AGGF1: variants seen among roughly 807,000 people sequenced by gnomAD.
AGGF1 encodes the protein angiogenic factor with G-patch and FHA domains 1.
Under a neutral mutation model 86.5 loss-of-function variants are expected in AGGF1, and 56 were observed. That is an observed-to-expected ratio of 0.65 (90% confidence interval 0.52 to 0.81). The LOEUF is 0.81. Among genes scored for constraint, AGGF1 ranks in the 30% least tolerant of loss-of-function variants. AGGF1 has a pLI of 0.00. For missense variants in AGGF1, 816 were observed against 850.9 expected (o/e 0.96, Z 0.51); for synonymous variants, 313 against 297.1 (o/e 1.05, Z -0.55).
chr5:77,062,314 T>C (rs1417843810), intron 13 of AGGF1, among the ~76,000 whole-genome samples: 1 of 152,200 alleles, frequency 6.6e-6, no homozygotes, highest in African/African-American at 2.4e-5. Context: ...CTGTAGAACT[T>C]TCTGGATAAT....
At chr5:77,031,821 T>C (rs1746859033) in intron 1 of AGGF1, among the ~76,000 whole-genome samples, 1 of 152,058 alleles carries the variant, frequency 6.6e-6, no homozygotes, top group South Asian at 2.1e-4. Flanking sequence ...GGAGAATTGC[T>C]TGAACCTAGG....
chr5:77,059,808 G>A, intron 12 of AGGF1, 65 bp downstream of exon 12: 2 of 1,590,184 alleles, frequency 1.3e-6, no homozygotes, highest in African/African-American at 1.3e-5. Context: ...AGGGTGGTCT[G>A]ATGTTCAGGG....
In AGGF1 at chr5:77,053,999, A is replaced by T; in HGVS notation, c.1502A>T (p.His501Leu). 2 of 1,614,206 alleles carry T rather than the reference A, an allele frequency of 1.2e-6. No homozygotes were observed. Among genetic ancestry groups the T allele is most frequent in the Non-Finnish European group, 1.7e-6 (2 of 1,180,026 alleles). Residue 501 changes from histidine to leucine, a missense_variant, in exon 10 of 14, where the codon CAT becomes CTT. His to Leu is a moderately conservative substitution (Grantham distance 99, BLOSUM62 -3). Coordinates refer to ENST00000312916, the MANE Select transcript of AGGF1 (RefSeq NM_018046.5). ...AAATGTGACCCTTACGTACTTGAGC[A>T]TGGAGATGAAGTCAAAATTGGAGAA... ...KTKCDPYVLEHGDEVKIGETV... is the reference protein window; with the variant it reads ...KTKCDPYVLELGDEVKIGETV...
chr5:77,040,433 AAAAT>A (rs1436973285), intron 5 of AGGF1, among the ~76,000 whole-genome samples: 1 of 151,968 alleles, frequency 6.6e-6, no homozygotes, highest in African/African-American at 2.4e-5. Context: ...AAAAAAAAAA[AAAAT>A]CCATTGCTGA....
intron 8 of AGGF1, among the ~76,000 whole-genome samples, chr5:77,051,372 G>A (rs1274049209): frequency 1.3e-5 from 2 of 151,274 alleles, no homozygotes; most frequent in East Asian, 1.9e-4. Flanking sequence ...GGTGGAGCTT[G>A]CAGTGAGCCG....
Position 77,046,547 on chromosome 5 carries a change from A to G in AGGF1, c.1071A>G (p.Lys357=). 1 of 1,613,918 alleles carries G rather than the reference A, an allele frequency of 6.2e-7. No homozygotes were observed. Among genetic ancestry groups the G allele is most frequent in the Non-Finnish European group, 8.5e-7 (1 of 1,179,896 alleles). The change falls in exon 6 of 14, where the codon AAA becomes AAG. Residue 357 remains lysine (K), a synonymous_variant. Transcript: ENST00000312916. The stretch of plus-strand genomic sequence containing the variant: ...ACATCTCTAATTCAACATCATTTAA[A>G]GATGAGAAAATCATGGAGACTGATA... ...HENISNSTSF[K]DEKIMETDSE...
intron 4 of AGGF1, 46 bp from the exon 5 acceptor site, chr5:77,039,480 GTTTAT>G (rs753047140): frequency 2.0e-6 from 3 of 1,464,636 alleles, no homozygotes; most frequent in South Asian, 2.5e-5. Flanking sequence ...TTTTCGTTAA[GTTTAT>G]TTTATCTTAC....
At chr5:77,040,195 G>A (rs771667685) in intron 5 of AGGF1, among the ~76,000 whole-genome samples, 10 of 150,410 alleles carry the variant, frequency 6.6e-5, no homozygotes, top group Non-Finnish European at 1.3e-4. Context: ...CGCAACCTCC[G>A]CCTCCCAGGT....
chr5:77,058,133 T>C (rs1302212473), intron 11 of AGGF1, among the ~76,000 whole-genome samples: 1 of 152,182 alleles, frequency 6.6e-6, no homozygotes, highest in African/African-American at 2.4e-5. Context: ...ATGGTGATAG[T>C]TTCATAGGTC....
intron 5 of AGGF1, among the ~76,000 whole-genome samples, chr5:77,041,966 G>T (rs374881116): frequency 2.7e-5 from 4 of 150,670 alleles, no homozygotes; most frequent in African/African-American, 4.9e-5. Flanking sequence ...GCGGCCTTCC[G>T]CAGTGTTTGT....
chr5:77,039,179 T>G (rs1435363393), intron 4 of AGGF1, among the ~76,000 whole-genome samples: 1 of 152,114 alleles, frequency 6.6e-6, no homozygotes, highest in Non-Finnish European at 1.5e-5. Flanking sequence ...TATGCTTGCT[T>G]TAGTTTTCAT....
At position 77,061,665 on chromosome 5, in the gene AGGF1, C is replaced by G. The variant is rs189872319; in HGVS notation, c.1845-38C>G. ...TTATTATAAATGTGACCTAAAAGAT[C>G]TTTTATAAATCAACTATCATTTTAA... On this transcript the variant is annotated intron_variant, in intron 12 of 13. Transcript: ENST00000312916. 1.4e-3 allele frequency: 2,187 copies of G among 1,555,156 alleles called. 15 individuals are homozygous for G. The highest frequency in any genetic ancestry group is 1.1e-3 in the Non-Finnish European group (1,214 of 1,129,532).
chr5:77,039,392 GTTATC>G lies in AGGF1; in HGVS notation c.682-136_682-132del, dbSNP rs1747023108. 4 of 655,794 alleles carry G rather than the reference GTTATC, an allele frequency of 6.1e-6. No homozygotes were observed. The East Asian group carries it at 1.2e-4, about 19-fold the overall frequency. 40.6% of individuals were successfully genotyped at this position (655,794 alleles called of 1,614,324 possible). On this transcript the variant is annotated intron_variant, in intron 4 of 13. Transcript: ENST00000312916. ...TTGGAAGATTAAAGCATTTTTTATT[GTTATC>G]TTTAATTCATTGTCTTCTGAAAATA...
chr5:77,056,387 C>A (rs1042546630), intron 11 of AGGF1, among the ~76,000 whole-genome samples: 16 of 151,896 alleles, frequency 1.1e-4, no homozygotes, highest in Middle Eastern at 6.8e-3. Flanking sequence ...CGCCACCACG[C>A]CCCGCTAATT....
intron 2 of AGGF1, among the ~76,000 whole-genome samples, chr5:77,035,198 G>T (rs983677526): frequency 2.0e-5 from 3 of 152,122 alleles, no homozygotes; most frequent in African/African-American, 7.2e-5. Flanking sequence ...ACAGTATTAA[G>T]GTATCCAGTT....
At chr5:77,032,756 A>G (rs1044643792) in intron 1 of AGGF1, among the ~76,000 whole-genome samples, 8 of 152,120 alleles carry the variant, frequency 5.3e-5, no homozygotes, top group Non-Finnish European at 8.8e-5. Flanking sequence ...TAATTTGATA[A>G]ATCAGACTAA....
At chr5:77,032,382 A>T (rs1023309189) in intron 1 of AGGF1, among the ~76,000 whole-genome samples, 1 of 151,694 alleles carries the variant, frequency 6.6e-6, no homozygotes. Flanking sequence ...CCTGGCTAAC[A>T]CAGTAAAACC....
intron 1 of AGGF1, among the ~76,000 whole-genome samples, chr5:77,033,156 G>T (rs1303949419): frequency 6.6e-6 from 1 of 152,160 alleles, no homozygotes; most frequent in African/African-American, 2.4e-5. Flanking sequence ...TCCCTTGGTT[G>T]GGGAGAGGGT....
chr5:77,043,633 C>T (rs1344253634), intron 5 of AGGF1, among the ~76,000 whole-genome samples: 6 of 126,250 alleles, frequency 4.8e-5, no homozygotes, highest in African/African-American at 9.1e-5. Context: ...GGGGGGCTGA[C>T]CCCCCACCTC....
Sources: allele counts gnomAD v4.1 joint callset (sites outside exome capture counted in the v4.1 genomes callset), GRCh38; gene constraint gnomAD v4.1.1; transcripts MANE v1.5; gene names NCBI Gene and HGNC (gene_info 2026-07-23, HGNC 2026-07-21).